TASP1: variants seen among roughly 807,000 people sequenced by gnomAD.
The protein encoded by TASP1 is taspase 1, also known as threonine aspartase 1.
Under a neutral mutation model 56.6 loss-of-function variants are expected in TASP1, and 16 were observed. The ratio of observed to expected loss-of-function variants is 0.28; its 90% confidence interval spans 0.19 to 0.43. TASP1 has a LOEUF of 0.43. TASP1 is among the 20% of genes least tolerant of loss of function. TASP1 has a pLI of 1.00. For synonymous variants in TASP1, 179 were observed against 184.2 expected (o/e 0.97, Z 0.23); for missense variants, 393 against 511.6 (o/e 0.77, Z 2.24).
chr20:13,456,928 A>G (rs1348554875), intron 11 of TASP1, among the ~76,000 whole-genome samples: 1 of 152,194 alleles, frequency 6.6e-6, no homozygotes, highest in East Asian at 1.9e-4. Flanking sequence ...ACAAGAAGGA[A>G]AAATGTTTTA....
At chr20:13,599,902 C>T (rs1020970876) in intron 4 of TASP1, among the ~76,000 whole-genome samples, 1 of 151,812 alleles carries the variant, frequency 6.6e-6, no homozygotes. Flanking sequence ...CTATATTTGT[C>T]TATATTTTAA....
At chr20:13,110,262 C>T in the TASP1 span, 254 of 1,530,384 alleles carry the variant, frequency 1.7e-4, no homozygotes, top group Non-Finnish European at 2.2e-4. Context: ...AGGCCTGCAG[C>T]AAGCTGACCA....
At chr20:13,578,625 CTTTTTCTTAGTGA>C (rs1406240642) in intron 6 of TASP1, among the ~76,000 whole-genome samples, 1 of 152,002 alleles carries the variant, frequency 6.6e-6, no homozygotes, top group Non-Finnish European at 1.5e-5. Flanking sequence ...TGGGTTTGGG[CTTTTTCTTAGTGA>C]TGTGACATCG....
rs149015918 is a variant in TASP1 at position 13,584,707 on chromosome 20, G to A, written c.403+2543C>T. On this transcript the variant is annotated intron_variant, in intron 5 of 13. Coordinates refer to ENST00000337743, the MANE Select transcript of TASP1 (RefSeq NM_017714.3). The stretch of plus-strand genomic sequence containing the variant: ...ACAGCAAGTCTCTAAAAGCTTCAAG[G>A]GATTGGTATCATACATAGTATATTC... Among the ~76,000 whole-genome samples, 249 of 152,082 alleles carry A rather than the reference G, an allele frequency of 1.6e-3. 1 individual carries two copies. Among genetic ancestry groups the A allele is most frequent in the African/African-American group, 5.6e-3 (233 of 41,472 alleles).
At chr20:13,538,603 A>G (rs1290158916) in intron 8 of TASP1, among the ~76,000 whole-genome samples, 2 of 152,174 alleles carry the variant, frequency 1.3e-5, no homozygotes, top group Non-Finnish European at 2.9e-5. Context: ...GCCATCATAA[A>G]GCTTTCACAT....
chr20:13,197,735 T>C, the TASP1 span, among the ~76,000 whole-genome samples: 1 of 152,208 alleles, frequency 6.6e-6, no homozygotes, highest in Non-Finnish European at 1.5e-5. Flanking sequence ...TTCTCCTTTC[T>C]TATCTTAGAT....
chr20:13,299,160 C>G, the TASP1 span: 5 of 1,610,656 alleles, frequency 3.1e-6, no homozygotes, highest in Admixed American at 8.4e-5. The surrounding 1 kb of genome is among the most constrained non-coding windows in gnomAD (Gnocchi z 5.8). Flanking sequence ...GCCCACTGCC[C>G]GGTACTGCAT....
the TASP1 span, among the ~76,000 whole-genome samples, chr20:13,112,952 G>C: frequency 6.6e-6 from 1 of 152,284 alleles, no homozygotes; most frequent in East Asian, 1.9e-4. Flanking sequence ...GGAGACCAAG[G>C]CAGGTGGATT....
chr20:13,397,272 G>A (rs1464219407), intron 13 of TASP1, among the ~76,000 whole-genome samples: 1 of 152,226 alleles, frequency 6.6e-6, no homozygotes, highest in East Asian at 1.9e-4. Flanking sequence ...TGTCTTTGCA[G>A]GATGCAGAAA....
At chr20:13,471,593 C>A (rs1340844982) in intron 11 of TASP1, among the ~76,000 whole-genome samples, 6 of 152,130 alleles carry the variant, frequency 3.9e-5, no homozygotes, top group Admixed American at 3.9e-4. Flanking sequence ...CAATCTAGTT[C>A]TATTTCTCTA....
chr20:13,528,374 A>G, intron 10 of TASP1, 59 bp downstream of exon 10: 2 of 1,463,672 alleles, frequency 1.4e-6, no homozygotes, highest in Non-Finnish European at 1.9e-6. Flanking sequence ...ATTGCTTTTA[A>G]TCATTAAATG....
At chr20:13,298,054 A>G in the TASP1 span, among the ~76,000 whole-genome samples, 2 of 152,050 alleles carry the variant, frequency 1.3e-5, no homozygotes, top group South Asian at 4.2e-4. Flanking sequence ...GGCCTTTTCC[A>G]TCATATCATC....
the TASP1 span, among the ~76,000 whole-genome samples, chr20:13,146,819 G>T: frequency 6.6e-6 from 1 of 152,094 alleles, no homozygotes; most frequent in Non-Finnish European, 1.5e-5. Context: ...TGGAATTCAC[G>T]CCTCATCATG....
the TASP1 span, among the ~76,000 whole-genome samples, chr20:13,162,630 A>C: frequency 3.3e-5 from 5 of 152,248 alleles, no homozygotes; most frequent in African/African-American, 9.6e-5. Context: ...AGACAAGGCC[A>C]CAATACTTAA....
At chr20:13,130,524 T>C in the TASP1 span, among the ~76,000 whole-genome samples, 2 of 152,248 alleles carry the variant, frequency 1.3e-5, no homozygotes, top group Non-Finnish European at 2.9e-5. Context: ...GTTCCTTTGA[T>C]GCCAAGGTTC....
rs2048734356 is a variant in TASP1, at chr20:13,622,041, T to C, written c.282+1405A>G. Among the ~76,000 whole-genome samples, 3 of 152,310 alleles carry C rather than the reference T, an allele frequency of 2.0e-5. No individual in the cohort carries two copies. The South Asian group carries it at 6.2e-4, about 32-fold the overall frequency. ...TCTCCTCTTATCCTCAACATATAAT[T>C]AACCTTTCTTTGATGCTGTAAAACT... On this transcript the variant is annotated intron_variant, in intron 4 of 13. Coordinates refer to ENST00000337743, the MANE Select transcript of TASP1 (RefSeq NM_017714.3).
At chr20:13,370,438 A>G in the TASP1 span, among the ~76,000 whole-genome samples, 1 of 152,146 alleles carries the variant, frequency 6.6e-6, no homozygotes, top group Non-Finnish European at 1.5e-5. Context: ...ACAGCTATAT[A>G]CATAAAAAGC....
the TASP1 span, among the ~76,000 whole-genome samples, chr20:13,134,065 A>G: frequency 5.2e-3 from 795 of 152,284 alleles, 5 homozygotes; most frequent in African/African-American, 0.018. Flanking sequence ...ATACAGGGTC[A>G]TTCTCAGGAA....
At chr20:13,615,027 G>A (rs1238385793) in intron 4 of TASP1, 6 of 241,812 alleles carry the variant, frequency 2.5e-5, no homozygotes, top group Non-Finnish European at 4.2e-5. Flanking sequence ...ACAGACCATG[G>A]AATTATAATA....
Sources: allele counts gnomAD v4.1 joint callset (sites outside exome capture counted in the v4.1 genomes callset), GRCh38; gene constraint gnomAD v4.1.1; non-coding constraint Gnocchi (gnomAD v3.1); transcripts MANE v1.5; gene names NCBI Gene and HGNC (gene_info 2026-07-23, HGNC 2026-07-21).